VDAC1: variants seen among roughly 807,000 people sequenced by gnomAD.
VDAC1 encodes non-selective voltage-gated ion channel VDAC1.
In VDAC1, 10 loss-of-function variants were observed where a neutral mutation model predicts 34.7. That is an observed-to-expected ratio of 0.29 (90% confidence interval 0.18 to 0.49). The LOEUF (loss-of-function observed/expected upper bound fraction) is 0.49, where lower values mean the gene tolerates loss of function less well. Ranked by LOEUF, VDAC1 falls within the 20% of genes least tolerant of loss-of-function variation. VDAC1 has a pLI of 0.99. For missense variants in VDAC1, 230 were observed against 347.9 expected (o/e 0.66, Z 2.69); for synonymous variants, 130 against 136.0 (o/e 0.96, Z 0.30).
chr5:134,054,273 G>C, the VDAC1 span, among the ~76,000 whole-genome samples: 12 of 152,248 alleles, frequency 7.9e-5, no homozygotes, highest in East Asian at 2.3e-3. Context: ...GGGCTGCCCT[G>C]CTGGAACTGG....
At chr5:134,041,972 C>T in the VDAC1 span, among the ~76,000 whole-genome samples, 5 of 152,338 alleles carry the variant, frequency 3.3e-5, no homozygotes, top group East Asian at 7.7e-4. Flanking sequence ...GACCAACATC[C>T]TTTGTTTGTT....
chr5:133,973,147 T>C (rs1285707495), intron 8 of VDAC1, among the ~76,000 whole-genome samples: 1 of 152,238 alleles, frequency 6.6e-6, no homozygotes, highest in Non-Finnish European at 1.5e-5. Context: ...AATTAGTCTA[T>C]AGCACTGGTA....
chr5:134,010,253 G>A, the VDAC1 span, among the ~76,000 whole-genome samples: 1 of 152,144 alleles, frequency 6.6e-6, no homozygotes, highest in South Asian at 2.1e-4. Context: ...CTGGTTTCCA[G>A]CTTGGGCATA....
In VDAC1 at chr5:133,983,265, GAAAA is replaced by G. The variant is rs552131868; in HGVS notation, c.324-2313_324-2310del. On this transcript the variant is annotated intron_variant, in intron 5 of 8. Coordinates refer to ENST00000265333, the MANE Select transcript of VDAC1 (RefSeq NM_003374.3). The stretch of plus-strand genomic sequence containing the variant: ...CTCCATCTTTAAAAAAAAAAAAAAA[GAAAA>G]AGAAATGATCAACTTTTTTCAATAT... Among the ~76,000 whole-genome samples the G allele has an allele frequency of 9.1e-4, 134 of 146,932 alleles. No homozygotes were observed. In the East Asian group the frequency reaches 0.012, roughly 13 times the overall value.
chr5:134,002,645 A>C (rs550559643), intron 1 of VDAC1, among the ~76,000 whole-genome samples: 7 of 152,306 alleles, frequency 4.6e-5, no homozygotes, highest in African/African-American at 1.4e-4. Context: ...GCTGTTTTCC[A>C]CAAGTGAGAT....
upstream of VDAC1, among the ~76,000 whole-genome samples, chr5:134,009,535 G>A (rs751120916): frequency 2.0e-4 from 30 of 151,976 alleles, no homozygotes; most frequent in Non-Finnish European, 3.5e-4. Flanking sequence ...GGGATTACAG[G>A]TGTGAGCCAC....
the VDAC1 span, among the ~76,000 whole-genome samples, chr5:134,074,465 T>G: frequency 6.6e-6 from 1 of 150,904 alleles, no homozygotes; most frequent in African/African-American, 2.4e-5. Context: ...TGGGTGGGAG[T>G]TGGGCCCCAG....
chr5:134,092,370 C>T, the VDAC1 span, among the ~76,000 whole-genome samples: 3 of 152,332 alleles, frequency 2.0e-5, no homozygotes, highest in African/African-American at 7.2e-5. Flanking sequence ...GGCTCTGAGT[C>T]ACTGTCTTGG....
the VDAC1 span, among the ~76,000 whole-genome samples, chr5:134,067,660 G>A: frequency 6.7e-6 from 1 of 148,262 alleles, no homozygotes; most frequent in Admixed American, 6.8e-5. Context: ...GCGGTGAGGG[G>A]GAGGGGGAGG....
chr5:134,058,369 A>T, the VDAC1 span, among the ~76,000 whole-genome samples: 1 of 151,798 alleles, frequency 6.6e-6, no homozygotes, highest in Non-Finnish European at 1.5e-5. Context: ...GCTGGAGTGA[A>T]GTGGTGCAAT....
chr5:134,093,942 C>A, the VDAC1 span, among the ~76,000 whole-genome samples: 1 of 152,212 alleles, frequency 6.6e-6, no homozygotes, highest in Non-Finnish European at 1.5e-5. Context: ...CTTTGAATGT[C>A]CCCCAGCTGT....
the VDAC1 span, among the ~76,000 whole-genome samples, chr5:134,022,866 A>G: frequency 1.3e-5 from 2 of 152,218 alleles, no homozygotes; most frequent in South Asian, 2.1e-4. Context: ...ACGCATTTAC[A>G]CTGTTGGTGG....
In VDAC1 at chr5:133,972,384, C is replaced by T. The variant is rs1752328917; in HGVS notation, c.*387G>A. The T allele has an allele frequency of 1.0e-5, 4 of 400,420 alleles. No homozygotes were observed. The highest frequency in any genetic ancestry group is 1.8e-5 in the Non-Finnish European group (4 of 226,972). 24.8% of individuals were successfully genotyped at this position (400,420 alleles called of 1,614,324 possible). A position where few individuals can be genotyped will look rare whatever the true frequency, so the allele number is the denominator to read the frequency against. On this transcript the variant is annotated 3_prime_UTR_variant, in exon 9 of 9. Coordinates refer to ENST00000265333, the MANE Select transcript of VDAC1 (RefSeq NM_003374.3). Reference sequence around the variant, plus strand: ...TGAGTTTGTACACACCATCAAGCAGCGAGCCTCTCATCAATTAGGGTTAGG... The same window carrying T: ...TGAGTTTGTACACACCATCAAGCAGTGAGCCTCTCATCAATTAGGGTTAGG...
chr5:134,109,724 C>T, the VDAC1 span, among the ~76,000 whole-genome samples: 401 of 149,712 alleles, frequency 2.7e-3, 4 homozygotes, highest in African/African-American at 8.9e-3. Context: ...GAGCCGAGAT[C>T]GTGCCACTGC....
chr5:134,107,468 C>A, the VDAC1 span, among the ~76,000 whole-genome samples: 1 of 152,248 alleles, frequency 6.6e-6, no homozygotes, highest in Non-Finnish European at 1.5e-5. Context: ...CATGGCCAGC[C>A]GGCTCCTCCA....
chr5:134,005,361 G>C (rs1301141418), upstream of VDAC1: 2 of 152,228 alleles, frequency 1.3e-5, no homozygotes, highest in Non-Finnish European at 2.9e-5. Context: ...GGCGACTGTT[G>C]CTCCCGAGCT....
the VDAC1 span, among the ~76,000 whole-genome samples, chr5:134,021,983 C>T: frequency 1.9e-4 from 29 of 151,410 alleles, 1 homozygote; most frequent in East Asian, 4.7e-3. Context: ...CTTCTCCAAG[C>T]GATTCTCCTG....
the VDAC1 span, among the ~76,000 whole-genome samples, chr5:134,078,963 C>A: frequency 4.3e-3 from 631 of 148,270 alleles, 2 homozygotes; most frequent in African/African-American, 0.014. Context: ...TTTTTTTTGA[C>A]CCCCCTCCTT....
At chr5:134,080,031 A>G in the VDAC1 span, among the ~76,000 whole-genome samples, 2 of 152,198 alleles carry the variant, frequency 1.3e-5, no homozygotes, top group East Asian at 1.9e-4. Context: ...GCTTTCAAGC[A>G]TTTGCTTACA....
Sources: allele counts gnomAD v4.1 joint callset (sites outside exome capture counted in the v4.1 genomes callset), GRCh38; gene constraint gnomAD v4.1.1; transcripts MANE v1.5; gene names NCBI Gene and HGNC (gene_info 2026-07-23, HGNC 2026-07-21).